IL1RAPL2: variants seen among roughly 807,000 people sequenced by gnomAD.
IL1RAPL2 encodes interleukin 1 receptor accessory protein like 2.
In IL1RAPL2, 3 loss-of-function variants were observed where a neutral mutation model predicts 44.1. That is an observed-to-expected ratio of 0.07 (90% CI 0.03 to 0.18). The LOEUF is 0.18. Ranked by LOEUF, IL1RAPL2 falls within the 10% of genes least tolerant of loss-of-function variation. The pLI, the probability that IL1RAPL2 is intolerant of heterozygous loss-of-function variation, is 1.00. For missense variants in IL1RAPL2, 391 were observed against 496.4 expected, an observed-to-expected ratio of 0.79 and a Z score of 2.02; for synonymous variants, 181 against 178.8, an observed-to-expected ratio of 1.01 and a Z score of -0.10.
At chrX:104,641,302 G>A (rs1030867821) in intron 1 of IL1RAPL2, among the ~76,000 whole-genome samples, 1 of 111,205 alleles carries the variant, frequency 9.0e-6, no homozygotes, top group Non-Finnish European at 1.9e-5. Context: ...CCCAGGCTAC[G>A]TACTCTGCCT....
At chrX:105,594,951 C>T (rs778378196) in intron 6 of IL1RAPL2, among the ~76,000 whole-genome samples, 59 of 111,443 alleles carry the variant, frequency 5.3e-4, no homozygotes, top group African/African-American at 1.9e-3. Flanking sequence ...TCACTACCTG[C>T]GTGACAGGAT....
At chrX:104,910,072 C>G (rs1420730069) in intron 2 of IL1RAPL2, among the ~76,000 whole-genome samples, 1 of 112,458 alleles carries the variant, frequency 8.9e-6, no homozygotes, top group Non-Finnish European at 1.9e-5. Flanking sequence ...ATTTTTTAAG[C>G]CTGTCGGAAA....
At chrX:105,445,409 G>A (rs774191642) in intron 5 of IL1RAPL2, among the ~76,000 whole-genome samples, 4 of 110,328 alleles carry the variant, frequency 3.6e-5, no homozygotes, top group Non-Finnish European at 7.6e-5. Context: ...TTCTGCTCTG[G>A]TCTTTATTAT....
chrX:105,075,246 C>A (rs1281963985), intron 2 of IL1RAPL2, among the ~76,000 whole-genome samples: 3 of 111,661 alleles, frequency 2.7e-5, no homozygotes, highest in Admixed American at 9.5e-5. Context: ...GAGTTTTTAG[C>A]ATGAAGGGTT....
intron 2 of IL1RAPL2, among the ~76,000 whole-genome samples, chrX:104,983,435 TAA>T (rs1491044258): frequency 3.5e-5 from 2 of 56,934 alleles, no homozygotes; most frequent in African/African-American, 1.4e-4. Context: ...ACATAATATA[TAA>T]TAGATACATA....
intron 2 of IL1RAPL2, among the ~76,000 whole-genome samples, chrX:104,848,568 C>G (rs1318505953): frequency 9.4e-6 from 1 of 105,886 alleles, no homozygotes; most frequent in African/African-American, 3.4e-5. Flanking sequence ...AAATAAATAA[C>G]CCATTTTCAA....
At chrX:105,180,219 C>T (rs782144113) in intron 2 of IL1RAPL2, among the ~76,000 whole-genome samples, 1 of 110,573 alleles carries the variant, frequency 9.0e-6, no homozygotes. Flanking sequence ...CAACTGTAAT[C>T]CCAGCTACTT....
At chrX:105,574,901 G>T (rs1280510886) in intron 6 of IL1RAPL2, among the ~76,000 whole-genome samples, 1 of 110,943 alleles carries the variant, frequency 9.0e-6, no homozygotes, top group Non-Finnish European at 1.9e-5. Flanking sequence ...CATGCTAATG[G>T]GTACAATTTA....
chrX:105,173,024 G>A (rs2033438409), intron 2 of IL1RAPL2, among the ~76,000 whole-genome samples: 1 of 110,947 alleles, frequency 9.0e-6, no homozygotes, highest in Non-Finnish European at 1.9e-5. Context: ...ATAATTTGTG[G>A]TCTAGGTGGT....
intron 2 of IL1RAPL2, among the ~76,000 whole-genome samples, chrX:104,762,490 A>G (rs1932479640): frequency 9.0e-6 from 1 of 111,679 alleles, no homozygotes; most frequent in Non-Finnish European, 1.9e-5. Flanking sequence ...CCTACGGTGC[A>G]AGCTGTCAGT....
chrX:105,068,241 C>T (rs2032163020), intron 2 of IL1RAPL2, among the ~76,000 whole-genome samples: 1 of 111,476 alleles, frequency 9.0e-6, no homozygotes, highest in South Asian at 3.8e-4. Context: ...CTTCAGAAAA[C>T]TAGTCCATAA....
rs1336940435 is a variant in IL1RAPL2, at chrX:104,673,108, C to T, written c.82+14113C>T. 6.3e-4 allele frequency among the ~76,000 whole-genome samples: 70 copies of T among 111,752 alleles called. 1 individual carries two copies. The highest frequency in any genetic ancestry group is 1.1e-3 in the Non-Finnish European group (59 of 53,135). ...CAGAAGCTCTTTAGCTTAATTAGAT[C>T]CCATTTGTCAATTTTGGCTTTTGTT... On this transcript the variant is annotated intron_variant, in intron 2 of 10. Transcript: ENST00000372582.
intron 10 of IL1RAPL2, among the ~76,000 whole-genome samples, chrX:105,762,181 A>T (rs2038693101): frequency 1.8e-5 from 2 of 111,979 alleles, no homozygotes; most frequent in Admixed American, 9.5e-5. Context: ...TTTGCTTTTA[A>T]GTCACTTTTC....
intron 2 of IL1RAPL2, among the ~76,000 whole-genome samples, chrX:104,977,118 G>A (rs2030353515): frequency 9.0e-6 from 1 of 111,383 alleles, no homozygotes; most frequent in Non-Finnish European, 1.9e-5. Flanking sequence ...GGTTCAGAGG[G>A]GACACTCACC....
intron 2 of IL1RAPL2, among the ~76,000 whole-genome samples, chrX:104,797,015 G>A (rs1024729961): frequency 5.4e-5 from 6 of 110,378 alleles, no homozygotes; most frequent in African/African-American, 1.3e-4. Flanking sequence ...AGGTGATCCC[G>A]CCCGCCTCGG....
chrX:105,743,663 C>G (rs1379414760), intron 8 of IL1RAPL2, among the ~76,000 whole-genome samples: 2 of 111,580 alleles, frequency 1.8e-5, no homozygotes, highest in East Asian at 2.8e-4. Context: ...TCTTCCCCCC[C>G]ACTAAAATAT....
chrX:105,273,496 T>A (rs1008776551), intron 5 of IL1RAPL2, among the ~76,000 whole-genome samples: 1 of 112,119 alleles, frequency 8.9e-6, no homozygotes, highest in Admixed American at 9.5e-5. Context: ...AAAGAAGTTA[T>A]TTGACCTACC....
intron 5 of IL1RAPL2, among the ~76,000 whole-genome samples, chrX:105,299,613 A>T (rs771486540): frequency 2.7e-5 from 3 of 111,590 alleles, no homozygotes; most frequent in Non-Finnish European, 5.6e-5. Context: ...AAGCCTTAAA[A>T]TTCTAATGTC....
intron 2 of IL1RAPL2, among the ~76,000 whole-genome samples, chrX:104,695,243 T>C (rs1331206116): frequency 1.8e-5 from 2 of 111,867 alleles, no homozygotes; most frequent in African/African-American, 6.5e-5. Flanking sequence ...GGGAAGAAAG[T>C]CTTCTATTCT....
Sources: allele counts gnomAD v4.1 joint callset (sites outside exome capture counted in the v4.1 genomes callset), GRCh38; gene constraint gnomAD v4.1.1; transcripts MANE v1.5; gene names NCBI Gene and HGNC (gene_info 2026-07-23, HGNC 2026-07-21).